Variants in C12orf42 observed in about 807,000 individuals in gnomAD.
C12orf42 encodes the protein uncharacterized protein C12orf42.
Under a neutral mutation model 21.6 loss-of-function variants are expected in C12orf42, and 25 were observed. That is an observed-to-expected ratio of 1.16 (90% CI 0.84 to 1.62). C12orf42 has a LOEUF of 1.62. Ranked by LOEUF, C12orf42 falls within the 40% of genes most tolerant of loss-of-function variation. C12orf42 has a pLI of 0.00. For synonymous variants in C12orf42, 174 were observed against 175.0 expected, an observed-to-expected ratio of 0.99 and a Z score of 0.05; for missense variants, 483 against 459.3, an observed-to-expected ratio of 1.05 and a Z score of -0.47.
the C12orf42 span, among the ~76,000 whole-genome samples, chr12:103,200,542 T>G: frequency 6.6e-6 from 1 of 152,218 alleles, no homozygotes; most frequent in Non-Finnish European, 1.5e-5. Flanking sequence ...ATGGATAGTT[T>G]AATGGCATAG....
chr12:103,470,833 A>G (rs1178988510), intron 2 of C12orf42, among the ~76,000 whole-genome samples: 1 of 152,056 alleles, frequency 6.6e-6, no homozygotes, highest in Non-Finnish European at 1.5e-5. Context: ...CAGCCTTTGA[A>G]TCACCCCAGC....
the C12orf42 span, among the ~76,000 whole-genome samples, chr12:103,047,696 C>T: frequency 6.6e-6 from 1 of 152,162 alleles, no homozygotes; most frequent in Non-Finnish European, 1.5e-5. Context: ...CTGACCTAGG[C>T]CAGGCCTGGC....
intron 3 of C12orf42, among the ~76,000 whole-genome samples, chr12:103,380,316 T>C (rs1593712086): frequency 6.6e-6 from 1 of 152,320 alleles, no homozygotes; most frequent in East Asian, 1.9e-4. Flanking sequence ...AAGTTACCTA[T>C]TGAGGTCACT....
At chr12:103,557,262 G>A in the C12orf42 span, 1 of 152,138 alleles carries the variant, frequency 6.6e-6, no homozygotes, top group African/African-American at 2.4e-5. Flanking sequence ...CAGAAAATAT[G>A]TCCAAAAGCT....
At chr12:103,105,006 G>A in the C12orf42 span, among the ~76,000 whole-genome samples, 14 of 152,298 alleles carry the variant, frequency 9.2e-5, no homozygotes, top group South Asian at 1.5e-3. Flanking sequence ...CAGGTGTGGC[G>A]TGTTAATGCA....
chr12:103,061,492 A>AT, the C12orf42 span, among the ~76,000 whole-genome samples: 4,557 of 149,532 alleles, frequency 0.03, 224 homozygotes, highest in African/African-American at 0.11. Context: ...TCCCATCATG[A>AT]TTTTTTTTTC....
chr12:103,062,410 T>TAC, the C12orf42 span, among the ~76,000 whole-genome samples: 1 of 151,968 alleles, frequency 6.6e-6, no homozygotes, highest in Non-Finnish European at 1.5e-5. Flanking sequence ...TTTTACTTGA[T>TAC]ACTAAATTCT....
At chr12:103,484,169 A>G (rs1954664261) in intron 1 of C12orf42, among the ~76,000 whole-genome samples, 2 of 152,256 alleles carry the variant, frequency 1.3e-5, no homozygotes, top group African/African-American at 4.8e-5. Context: ...TCGTTTGTGT[A>G]TATACCCAGT....
chr12:103,544,090 C>T, the C12orf42 span, among the ~76,000 whole-genome samples: 3 of 151,814 alleles, frequency 2.0e-5, no homozygotes, highest in Non-Finnish European at 4.4e-5. Context: ...TTAGTAGAGA[C>T]GGGATTTCAC....
Position 103,302,459 on chromosome 12 carries a change from C to A in C12orf42, c.732G>T (p.Pro244=), listed in dbSNP as rs748436676. The change falls in exon 6 of 6, where the codon CCG becomes CCT. Residue 244 remains proline, a synonymous_variant. Transcript: ENST00000548883. ...STGPSNTELE[P]EERMAVPAGA... ...CTGCTGGGACTGCCATCCTCTCCTC[C>A]GGCTCGAGCTCTGTGTTACTCGGGC... 5.0e-6 allele frequency: 8 copies of A among 1,613,662 alleles called. No individual in the cohort carries two copies. Among genetic ancestry groups the A allele is most frequent in the Non-Finnish European group, 6.8e-6 (8 of 1,179,878 alleles).
the C12orf42 span, among the ~76,000 whole-genome samples, chr12:103,125,225 A>G: frequency 6.6e-6 from 1 of 152,196 alleles, no homozygotes; most frequent in Non-Finnish European, 1.5e-5. Context: ...AGCAGCTTAG[A>G]TATGAAAAAG....
At chr12:103,199,128 G>C in the C12orf42 span, among the ~76,000 whole-genome samples, 1 of 152,082 alleles carries the variant, frequency 6.6e-6, no homozygotes, top group East Asian at 1.9e-4. Context: ...AAACCAATGG[G>C]ACAGAATAGA....
chr12:103,301,607 C>T (rs566794913), downstream of C12orf42, among the ~76,000 whole-genome samples: 79 of 152,140 alleles, frequency 5.2e-4, 1 homozygote, highest in Non-Finnish European at 9.4e-4. Flanking sequence ...GACATTAAAT[C>T]CTTAATACGA....
intron 4 of C12orf42, among the ~76,000 whole-genome samples, chr12:103,333,881 C>A (rs1319527980): frequency 6.6e-6 from 1 of 152,166 alleles, no homozygotes; most frequent in African/African-American, 2.4e-5. Context: ...AGAATTAAGA[C>A]CATGAACAAT....
intron 1 of C12orf42, among the ~76,000 whole-genome samples, chr12:103,482,993 T>C (rs1954579085): frequency 6.6e-6 from 1 of 152,196 alleles, no homozygotes; most frequent in Admixed American, 6.5e-5. Flanking sequence ...TGCTTATAGT[T>C]TTGAACTTAT....
the C12orf42 span, among the ~76,000 whole-genome samples, chr12:103,501,937 A>T: frequency 6.6e-6 from 1 of 152,218 alleles, no homozygotes; most frequent in Non-Finnish European, 1.5e-5. Context: ...ACTAGATTAT[A>T]TTGGAAAAAT....
chr12:103,058,596 C>A, the C12orf42 span, among the ~76,000 whole-genome samples: 1 of 152,288 alleles, frequency 6.6e-6, no homozygotes, highest in African/African-American at 2.4e-5. Flanking sequence ...TAAAACACTC[C>A]TCAGCAAATT....
chr12:103,238,499 T>C (rs1284890432), intron 10 of C12orf42, among the ~76,000 whole-genome samples: 1 of 152,176 alleles, frequency 6.6e-6, no homozygotes, highest in Non-Finnish European at 1.5e-5. Context: ...CACTAGAGTT[T>C]GGGCACCACT....
the C12orf42 span, among the ~76,000 whole-genome samples, chr12:103,535,971 C>T: frequency 1.3e-5 from 2 of 152,240 alleles, no homozygotes; most frequent in Admixed American, 6.5e-5. Context: ...TGTAGAGATG[C>T]TCTCTCGCTA....
Sources: gnomAD v4.1 joint callset for allele counts (sites outside exome capture counted in the v4.1 genomes callset) on GRCh38, gnomAD v4.1.1 for gene constraint, MANE v1.5 for transcripts, NCBI Gene and HGNC (gene_info 2026-07-23, HGNC 2026-07-21) for gene names.